AMBP: variants seen among roughly 807,000 people sequenced by gnomAD.
The protein encoded by AMBP is protein AMBP.
A neutral mutation model predicts 46.3 loss-of-function variants in AMBP; 37 were observed. The observed-to-expected ratio is 0.80, with a 90% CI of 0.61 to 1.05. The LOEUF (loss-of-function observed/expected upper bound fraction) is 1.05, where lower values mean the gene tolerates loss of function less well. Ranked by LOEUF, AMBP falls within the 50% of genes least tolerant of loss-of-function variation. The pLI, the probability that AMBP is intolerant of heterozygous loss-of-function variation, is 0.00. For synonymous variants in AMBP, 174 were observed against 175.9 expected, an observed-to-expected ratio of 0.99 and a Z score of 0.09; for missense variants, 475 against 461.2, an observed-to-expected ratio of 1.03 and a Z score of -0.27.
intron 6 of AMBP, among the ~76,000 whole-genome samples, chr9:114,063,146 C>T (rs1439985623): frequency 6.6e-6 from 1 of 151,154 alleles, no homozygotes; most frequent in Non-Finnish European, 1.5e-5. Context: ...AACTGGTTTA[C>T]AGGAAGGGCT....
At chr9:114,062,361 C>A (rs1260920387) in intron 7 of AMBP, among the ~76,000 whole-genome samples, 1 of 152,186 alleles carries the variant, frequency 6.6e-6, no homozygotes, top group Non-Finnish European at 1.5e-5. Context: ...GATGTTTAGC[C>A]CCACAGGCTA....
chr9:114,074,326 A>G (rs1846781087), intron 3 of AMBP, among the ~76,000 whole-genome samples, 174 bp from the exon 4 acceptor site: 1 of 151,968 alleles, frequency 6.6e-6, no homozygotes, highest in Non-Finnish European at 1.5e-5. Context: ...CTATCCACCC[A>G]TCTATCTCCT....
chr9:114,061,860 A>G (rs1233955629), intron 7 of AMBP, among the ~76,000 whole-genome samples: 1 of 152,014 alleles, frequency 6.6e-6, no homozygotes, highest in Non-Finnish European at 1.5e-5. Context: ...GTCCCCCTGT[A>G]TTGGTCTTGC....
chr9:114,073,217 A>G (rs936910995), intron 4 of AMBP, among the ~76,000 whole-genome samples, 191 bp from the exon 5 acceptor site: 2 of 151,710 alleles, frequency 1.3e-5, no homozygotes, highest in African/African-American at 4.8e-5. Flanking sequence ...GTTCCCACCC[A>G]GGTCTCCTGA....
At chr9:114,073,491 CTG>C (rs1846767345) in intron 4 of AMBP, among the ~76,000 whole-genome samples, 1 of 114,180 alleles carries the variant, frequency 8.8e-6, no homozygotes, top group African/African-American at 4.1e-5. Flanking sequence ...GTCTCAATCC[CTG>C]TTTTTTTTTT....
intron 7 of AMBP, 69 bp downstream of exon 7, chr9:114,062,608 G>T: frequency 6.7e-7 from 1 of 1,500,618 alleles, no homozygotes; most frequent in Non-Finnish European, 9.3e-7. Context: ...GAGTAGCCAG[G>T]GTGAGCCAAC....
At chr9:114,060,838 T>C in intron 9 of AMBP, 87 bp downstream of exon 9, 1 of 1,447,940 alleles carries the variant, frequency 6.9e-7, no homozygotes, top group Non-Finnish European at 9.3e-7. Context: ...AGAACTCAGC[T>C]CTCCAGACCC....
chr9:114,074,011 G>A (rs760700571), intron 4 of AMBP, 25 bp downstream of exon 4: 2 of 1,601,060 alleles, frequency 1.2e-6, no homozygotes, highest in Middle Eastern at 1.6e-4. Context: ...AACTCCAATG[G>A]GCACATCTAG....
chr9:114,062,722 C>G lies in AMBP; in HGVS notation c.640G>C (p.Gly214Arg). Reference sequence around the variant, plus strand: ...GTTACCAGTTGCCCACCCCCTGATCCTTCCTCTTCTTGGGGTAGCACAGCC... The same window carrying G: ...GTTACCAGTTGCCCACCCCCTGATCGTTCCTCTTCTTGGGGTAGCACAGCC... Reference protein sequence around the residue: ...RRAVLPQEEEGSGGGQLVTEV... With the variant: ...RRAVLPQEEERSGGGQLVTEV... The change falls in exon 7 of 10, where the codon GGA becomes CGA. Residue 214 changes from glycine (G) to arginine (R), a missense_variant. Gly to Arg is a moderately radical substitution (Grantham distance 125). Coordinates refer to ENST00000265132, the MANE Select transcript of AMBP (RefSeq NM_001633.4). 6.2e-7 allele frequency: 1 copy of G among 1,614,114 alleles called. No homozygotes were observed. Among genetic ancestry groups the G allele is most frequent in the African/African-American group, 1.3e-5 (1 of 75,024 alleles).
rs371759603 is a variant in AMBP at position 114,072,991 on chromosome 9, C to G, written c.490G>C (p.Asp164His). Residue 164 changes from aspartate (D) to histidine (H), a missense_variant, in exon 5 of 10, where the codon GAC becomes CAC. This residue lies in a region of AMBP where 293 missense variants were observed against 276.9 expected (regional missense o/e 1.06). Coordinates refer to ENST00000265132, the MANE Select transcript of AMBP (RefSeq NM_001633.4). ...APQLRETLLQ[D>H]FRVVAQGVGI... ...ACACCCTGGGCAACCACTCTGAAGTCCTGCAGGAGAGTTTCCCTCAGCTGC... is the reference window on the plus strand; with the variant it reads ...ACACCCTGGGCAACCACTCTGAAGTGCTGCAGGAGAGTTTCCCTCAGCTGC... 1.2e-6 allele frequency: 2 copies of G among 1,613,764 alleles called. No homozygotes were observed. Among genetic ancestry groups the G allele is most frequent in the African/African-American group, 2.7e-5 (2 of 74,904 alleles).
At chr9:114,073,086 T>C (rs537715621) in intron 4 of AMBP, 60 bp from the exon 5 acceptor site, 13 of 1,465,736 alleles carry the variant, frequency 8.9e-6, no homozygotes, top group Admixed American at 6.3e-5. Context: ...TGGAAGGGCC[T>C]GAAATGATTT....
At chr9:114,065,392 C>G (rs1429807908) in intron 6 of AMBP, among the ~76,000 whole-genome samples, 1 of 152,056 alleles carries the variant, frequency 6.6e-6, no homozygotes, top group Non-Finnish European at 1.5e-5. Flanking sequence ...CAAGGAACAC[C>G]AGAGACTGCC....
At position 114,061,487 on chromosome 9, in the gene AMBP, A is replaced by G. The variant is rs1486177839; in HGVS notation, c.790T>C (p.Cys264Arg). Residue 264 changes from cysteine (C) to arginine (R), a missense_variant, in exon 8 of 10, where the codon TGC becomes CGC. Physicochemically the swap from Cys to Arg is radical, Grantham distance 180. Around this residue, in one of 3 missense-constraint regions of AMBP, gnomAD observed 293 missense variants for 276.9 expected, o/e 1.06. Coordinates refer to ENST00000265132, the MANE Select transcript of AMBP (RefSeq NM_001633.4). ...ACGAAGTTGTTACCGTTGCCCATGC[A>G]GCCGCCGTACTGGAAAGTCTCACAG... ...MACETFQYGGCMGNGNNFVTE... is the reference protein window; with the variant it reads ...MACETFQYGGRMGNGNNFVTE... The G allele has an allele frequency of 6.2e-7, 1 of 1,614,146 alleles. No individual in the cohort carries two copies.
At chr9:114,068,118 G>A (rs1456466772) in intron 6 of AMBP, among the ~76,000 whole-genome samples, 7 of 152,120 alleles carry the variant, frequency 4.6e-5, no homozygotes, top group Admixed American at 2.6e-4. Flanking sequence ...CTCTCAAAGG[G>A]AGTGCTCCTG....
rs768349256 is a variant in AMBP at position 114,060,894 on chromosome 9, G to A, written c.1027+31C>T. 5.0e-6 allele frequency: 8 copies of A among 1,599,768 alleles called. No individual in the cohort carries two copies. The African/African-American group carries it at 8.0e-5, about 16-fold the overall frequency. On this transcript the variant is annotated intron_variant, in intron 9 of 9. Transcript: ENST00000265132. ...CCACCTCGACTCCAACAGCCCCTCG[G>A]CCCAGCCTGGCACCCTGCAGGGCTG...
intron 1 of AMBP, 25 bp from the exon 2 acceptor site, chr9:114,076,765 G>A (rs776461049): frequency 5.0e-6 from 8 of 1,610,978 alleles, no homozygotes; most frequent in Admixed American, 1.7e-5. Flanking sequence ...AGCTCTGGGG[G>A]TCTGCATCAG....
intron 3 of AMBP, among the ~76,000 whole-genome samples, chr9:114,074,514 CATCT>C (rs371653876): frequency 5.3e-4 from 81 of 152,284 alleles, no homozygotes; most frequent in African/African-American, 1.9e-3. Flanking sequence ...TTCATTCATC[CATCT>C]ATCTAGCCAA....
At chr9:114,073,310 G>T (rs1221112280) in intron 4 of AMBP, among the ~76,000 whole-genome samples, 1 of 150,876 alleles carries the variant, frequency 6.6e-6, no homozygotes, top group African/African-American at 2.4e-5. Context: ...GCAGTGGCGT[G>T]ATCTCAGCTC....
At chr9:114,073,356 C>G (rs563540878) in intron 4 of AMBP, among the ~76,000 whole-genome samples, 1 of 152,140 alleles carries the variant, frequency 6.6e-6, no homozygotes, top group East Asian at 1.9e-4. Flanking sequence ...CCGCCATTCT[C>G]CTGCCTCAGC....
Sources: gnomAD v4.1 joint callset for allele counts (sites outside exome capture counted in the v4.1 genomes callset) on GRCh38, gnomAD v4.1.1 for gene constraint, gnomAD v4.1.1 regional missense constraint, MANE v1.5 for transcripts, NCBI Gene and HGNC (gene_info 2026-07-23, HGNC 2026-07-21) for gene names.